Variants in PCDH15 observed in about 807,000 individuals in gnomAD.
The protein encoded by PCDH15 is protocadherin-15.
Under a neutral mutation model 178.5 loss-of-function variants are expected in PCDH15, and 129 were observed. The observed-to-expected ratio is 0.72, with a 90% CI of 0.63 to 0.84. The LOEUF (loss-of-function observed/expected upper bound fraction) is 0.84, where lower values mean the gene tolerates loss of function less well. Ranked by LOEUF, PCDH15 falls within the 40% of genes least tolerant of loss-of-function variation. The pLI, the probability that PCDH15 is intolerant of heterozygous loss-of-function variation, is 0.00. For missense variants in PCDH15, 2,230 were observed against 2,099.9 expected, an observed-to-expected ratio of 1.06 and a Z score of -1.21; for synonymous variants, 800 against 732.0, an observed-to-expected ratio of 1.09 and a Z score of -1.50.
intron 2 of PCDH15, among the ~76,000 whole-genome samples, chr10:55,085,392 A>C (rs1842141913): frequency 6.6e-6 from 1 of 151,920 alleles, no homozygotes; most frequent in Admixed American, 6.6e-5. Context: ...AATGCATACA[A>C]AAATATAGCT....
At position 55,181,915 on chromosome 10, in the gene PCDH15, G is replaced by A. The variant is rs117020573; in HGVS notation, c.-155-15264C>T. Among the ~76,000 whole-genome samples, 258 of 151,842 alleles carry A rather than the reference G, an allele frequency of 1.7e-3. 3 individuals are homozygous for A. In the East Asian group the frequency reaches 0.046, roughly 27 times the overall value. ...GGAATACTGTTTTATTAATGTTATC[G>A]ACCTATCCCCAACACTTTACTAGAC... On this transcript the variant is annotated intron_variant, in intron 1 of 5. Transcript: ENST00000458638.
chr10:54,796,319 T>TATC lies in PCDH15; in HGVS notation c.-29+4603_-29+4605dup, dbSNP rs1434068782. On this transcript the variant is annotated intron_variant, in intron 1 of 37. Coordinates refer to ENST00000644397, the MANE Select transcript of PCDH15 (RefSeq NM_001384140.1). ...CTATCTATCTATCTATCTATCTATCTATCATCATCATCTAGGTATCTATAT... is the reference window on the plus strand; with the variant it reads ...CTATCTATCTATCTATCTATCTATCTATCATCATCATCATCTAGGTATCTATAT... Among the ~76,000 whole-genome samples, 90 of 148,126 alleles carry TATC rather than the reference T, an allele frequency of 6.1e-4. No individual in the cohort carries two copies. In the South Asian group the frequency reaches 6.7e-3, roughly 11 times the overall value.
At chr10:53,951,970 CTGGTG>C (rs2087104606) in intron 23 of PCDH15, among the ~76,000 whole-genome samples, 1 of 152,084 alleles carries the variant, frequency 6.6e-6, no homozygotes, top group Non-Finnish European at 1.5e-5. Flanking sequence ...GTGGCTGGAT[CTGGTG>C]CACTGCAAGC....
At chr10:54,272,819 G>A (rs1159095273) in intron 8 of PCDH15, among the ~76,000 whole-genome samples, 1 of 151,960 alleles carries the variant, frequency 6.6e-6, no homozygotes, top group East Asian at 1.9e-4. Flanking sequence ...TAATAATATA[G>A]TACACTTAGG....
intron 2 of PCDH15, among the ~76,000 whole-genome samples, chr10:55,516,179 T>C (rs1841008348): frequency 6.6e-6 from 1 of 151,970 alleles, no homozygotes; most frequent in Admixed American, 6.6e-5. Context: ...TGGGAGATAA[T>C]TGAATTGTGG....
intron 2 of PCDH15, among the ~76,000 whole-genome samples, chr10:55,504,849 T>A (rs1840728282): frequency 6.6e-6 from 1 of 151,450 alleles, no homozygotes; most frequent in South Asian, 2.1e-4. Flanking sequence ...TTAAATGAGT[T>A]CCTTTTGGAA....
intron 3 of PCDH15, among the ~76,000 whole-genome samples, chr10:54,863,937 T>TG (rs1953892048): frequency 6.6e-6 from 1 of 152,188 alleles, no homozygotes; most frequent in African/African-American, 2.4e-5. Flanking sequence ...CTTGCCTAAT[T>TG]GGACTTATTC....
intron 2 of PCDH15, among the ~76,000 whole-genome samples, chr10:55,407,463 G>A (rs777198975): frequency 1.3e-4 from 20 of 152,250 alleles, no homozygotes; most frequent in Middle Eastern, 3.4e-3. Flanking sequence ...TTCACAAGAT[G>A]AGAATTGCTT....
At chr10:54,006,808 C>T (rs1032250821) in intron 20 of PCDH15, among the ~76,000 whole-genome samples, 2 of 152,124 alleles carry the variant, frequency 1.3e-5, no homozygotes, top group Non-Finnish European at 2.9e-5. Context: ...TGTTTAACAA[C>T]AACCTCAGCC....
At chr10:54,818,269 TTGAG>T (rs1197563935) in intron 3 of PCDH15, among the ~76,000 whole-genome samples, 6 of 152,064 alleles carry the variant, frequency 3.9e-5, no homozygotes, top group East Asian at 1.9e-4. Flanking sequence ...AATAAAATGA[TTGAG>T]TAATTATTAG....
intron 3 of PCDH15, among the ~76,000 whole-genome samples, chr10:54,471,329 G>A (rs1322413963): frequency 6.6e-6 from 1 of 152,054 alleles, no homozygotes; most frequent in African/African-American, 2.4e-5. Context: ...CCACATATAA[G>A]TGGATGCACA....
chr10:55,258,084 G>T (rs1425520227), intron 1 of PCDH15, among the ~76,000 whole-genome samples: 2 of 152,150 alleles, frequency 1.3e-5, no homozygotes, highest in Admixed American at 6.5e-5. Context: ...TGCTATAGAA[G>T]ATTAGCAGTT....
At chr10:55,379,929 A>G (rs1588970533) in intron 2 of PCDH15, among the ~76,000 whole-genome samples, 1 of 152,138 alleles carries the variant, frequency 6.6e-6, no homozygotes, top group Non-Finnish European at 1.5e-5. Flanking sequence ...ACTAAAGAGT[A>G]AAGAAAATAT....
intron 2 of PCDH15, among the ~76,000 whole-genome samples, chr10:55,001,814 G>A (rs1417141235): frequency 1.3e-5 from 2 of 152,200 alleles, no homozygotes; most frequent in African/African-American, 4.8e-5. Context: ...AGCCACAGAG[G>A]TTTCTGGCTG....
intron 1 of PCDH15, among the ~76,000 whole-genome samples, chr10:54,695,273 A>G (rs2095204567): frequency 6.6e-6 from 1 of 152,182 alleles, no homozygotes; most frequent in African/African-American, 2.4e-5. Flanking sequence ...TGGTTTGGAT[A>G]GAAAATCAAA....
chr10:55,289,224 G>GT (rs1378359663), intron 1 of PCDH15, among the ~76,000 whole-genome samples: 1 of 151,930 alleles, frequency 6.6e-6, no homozygotes, highest in Non-Finnish European at 1.5e-5. Flanking sequence ...TGTTCCAATT[G>GT]TTTTAACAAA....
At chr10:53,853,187 C>T (rs898709225) in intron 28 of PCDH15, among the ~76,000 whole-genome samples, 2 of 150,714 alleles carry the variant, frequency 1.3e-5, no homozygotes, top group Non-Finnish European at 3.0e-5. Context: ...TCTTAAACAA[C>T]TAGTATTGAA....
chr10:55,180,215 G>A lies in PCDH15; in HGVS notation c.-155-13564C>T, dbSNP rs569452583. Among the ~76,000 whole-genome samples, 3 of 152,078 alleles carry A rather than the reference G, an allele frequency of 2.0e-5. No homozygotes were observed. In the South Asian group the frequency reaches 6.2e-4, roughly 32 times the overall value. Reference sequence around the variant, plus strand: ...TACAAAGTAAAGAGAGAGAAAATCAGAATCATGAAGTATCAAAAGCCAGGA... The same window carrying A: ...TACAAAGTAAAGAGAGAGAAAATCAAAATCATGAAGTATCAAAAGCCAGGA... On this transcript the variant is annotated intron_variant, in intron 1 of 5. Coordinates refer to the PCDH15 transcript ENST00000458638.
intron 2 of PCDH15, among the ~76,000 whole-genome samples, chr10:55,543,909 A>G (rs972842559): frequency 6.6e-6 from 1 of 151,236 alleles, no homozygotes; most frequent in Non-Finnish European, 1.5e-5. Context: ...TTTCCTCAAT[A>G]TGAACTATTT....
Sources: gnomAD v4.1 joint callset for allele counts (sites outside exome capture counted in the v4.1 genomes callset) on GRCh38, gnomAD v4.1.1 for gene constraint, MANE v1.5 for transcripts, NCBI Gene and HGNC (gene_info 2026-07-23, HGNC 2026-07-21) for gene names.